The following CELF2 variants were observed in gnomAD, a reference collection of about 807,000 sequenced individuals.
CELF2 encodes CUGBP Elav-like family member 2.
A neutral mutation model predicts 62.6 loss-of-function variants in CELF2; 8 were observed. That is an observed-to-expected ratio of 0.13 (90% CI 0.07 to 0.23). CELF2 has a LOEUF of 0.23. Among genes scored for constraint, CELF2 ranks in the 10% least tolerant of loss-of-function variants. The pLI, the probability that CELF2 is intolerant of heterozygous loss-of-function variation, is 1.00. For synonymous variants in CELF2, 258 were observed against 250.0 expected (o/e 1.03, Z -0.30); for missense variants, 333 against 671.0 (o/e 0.50, Z 5.56).
At chr10:10,876,925 T>C (rs1355368985) in intron 1 of CELF2, among the ~76,000 whole-genome samples, 1 of 152,358 alleles carries the variant, frequency 6.6e-6, no homozygotes, top group Middle Eastern at 3.4e-3. Context: ...GTATGTAGGA[T>C]GGAGATTCAG....
the CELF2 span, among the ~76,000 whole-genome samples, chr10:10,726,153 C>T: frequency 6.6e-6 from 1 of 151,964 alleles, no homozygotes; most frequent in African/African-American, 2.4e-5. Context: ...CACCAACACA[C>T]CTTCAGTCGG....
the CELF2 span, among the ~76,000 whole-genome samples, chr10:10,511,666 T>C: frequency 6.6e-6 from 1 of 152,160 alleles, no homozygotes; most frequent in Non-Finnish European, 1.5e-5. Flanking sequence ...TAAATGTCAC[T>C]TCTACTATGA....
chr10:10,681,423 G>A, the CELF2 span, among the ~76,000 whole-genome samples: 1 of 152,184 alleles, frequency 6.6e-6, no homozygotes, highest in African/African-American at 2.4e-5. Context: ...GGGCCAGGTT[G>A]TAAATATTCT....
chr10:10,661,550 G>T, the CELF2 span, among the ~76,000 whole-genome samples: 1 of 152,188 alleles, frequency 6.6e-6, no homozygotes, highest in Non-Finnish European at 1.5e-5. Context: ...CCTAGGAGTG[G>T]AATTGCTGGC....
intron 2 of CELF2, among the ~76,000 whole-genome samples, chr10:11,194,396 G>T (rs1303593845): frequency 2.0e-5 from 3 of 152,116 alleles, no homozygotes; most frequent in African/African-American, 7.2e-5. Flanking sequence ...TTTTCATTTT[G>T]AAATGAAAAA....
chr10:11,030,596 A>T (rs1357976902), intron 1 of CELF2: 1 of 152,230 alleles, frequency 6.6e-6, no homozygotes, highest in Non-Finnish European at 1.5e-5. Context: ...CTCACCTCCA[A>T]AGCCTGAGGT....
intron 8 of CELF2, 138 bp downstream of exon 8, chr10:11,275,258 A>C: frequency 2.2e-6 from 2 of 904,472 alleles, no homozygotes; most frequent in Non-Finnish European, 3.5e-6. Flanking sequence ...CTTTGGTGTT[A>C]ACGTTGGAAC....
chr10:10,822,224 C>T (rs908979331), intron 1 of CELF2, among the ~76,000 whole-genome samples: 16 of 152,188 alleles, frequency 1.1e-4, no homozygotes, highest in Admixed American at 2.0e-4. Context: ...GGAAGGGGAC[C>T]GGCCTACAGG....
At chr10:10,870,988 A>G (rs1173649447) in intron 1 of CELF2, among the ~76,000 whole-genome samples, 25 of 151,984 alleles carry the variant, frequency 1.6e-4, no homozygotes, top group Non-Finnish European at 5.9e-5. Context: ...CCACCCCGCA[A>G]CTTGCAGAGA....
intron 3 of CELF2, among the ~76,000 whole-genome samples, chr10:11,240,170 T>A (rs960411406): frequency 1.6e-4 from 24 of 152,242 alleles, no homozygotes; most frequent in Non-Finnish European, 3.4e-4. Context: ...ATCATGGAAT[T>A]GGCATCTTCA....
chr10:10,873,947 A>C (rs1041154530), intron 1 of CELF2, among the ~76,000 whole-genome samples: 1 of 152,186 alleles, frequency 6.6e-6, no homozygotes, highest in African/African-American at 2.4e-5. Flanking sequence ...TTTGATTGGG[A>C]TGCTGCTAAC....
At chr10:10,927,352 A>AAAACAAC (rs1564832477) in intron 2 of CELF2, 2 of 88,938 alleles carry the variant, frequency 2.2e-5, no homozygotes, top group East Asian at 4.0e-4. Flanking sequence ...ACATTAAAAA[A>AAAACAAC]AAAAAAAAAA....
At chr10:10,545,860 T>C in the CELF2 span, among the ~76,000 whole-genome samples, 1 of 152,236 alleles carries the variant, frequency 6.6e-6, no homozygotes, top group Non-Finnish European at 1.5e-5. Flanking sequence ...ATGTGAGTTC[T>C]GGCAGAAGCA....
At chr10:10,878,100 C>T (rs192880754) in intron 1 of CELF2, among the ~76,000 whole-genome samples, 12 of 152,284 alleles carry the variant, frequency 7.9e-5, no homozygotes, top group Admixed American at 5.2e-4. Flanking sequence ...ATTGCTCGCC[C>T]GCCAGCAGGA....
the CELF2 span, among the ~76,000 whole-genome samples, chr10:10,641,887 C>A: frequency 2.6e-5 from 4 of 152,044 alleles, no homozygotes; most frequent in Admixed American, 2.0e-4. Context: ...TGCATTAATT[C>A]CCCCTCCTTT....
chr10:11,120,229 T>C (rs368794532), intron 1 of CELF2, among the ~76,000 whole-genome samples: 15 of 152,178 alleles, frequency 9.9e-5, no homozygotes, highest in African/African-American at 3.6e-4. Context: ...TATTTAGCTC[T>C]TAATTTACAC....
chr10:10,583,978 A>G, the CELF2 span, among the ~76,000 whole-genome samples: 4 of 152,166 alleles, frequency 2.6e-5, no homozygotes, highest in Admixed American at 6.6e-5. Context: ...TGAGTGGACT[A>G]TATAGCCTCA....
the CELF2 span, among the ~76,000 whole-genome samples, chr10:10,751,805 A>G: frequency 6.6e-6 from 1 of 152,348 alleles, no homozygotes; most frequent in African/African-American, 2.4e-5. Context: ...TGTGAAATAC[A>G]TCGTATTTCC....
At chr10:11,174,249 A>G (rs946849482) in intron 2 of CELF2, among the ~76,000 whole-genome samples, 1 of 152,210 alleles carries the variant, frequency 6.6e-6, no homozygotes, top group Non-Finnish European at 1.5e-5. Context: ...CCTGAATCAC[A>G]TAGACAAACA....
Sources: allele counts gnomAD v4.1 joint callset (sites outside exome capture counted in the v4.1 genomes callset), GRCh38; gene constraint gnomAD v4.1.1; transcripts MANE v1.5; gene names NCBI Gene and HGNC (gene_info 2026-07-23, HGNC 2026-07-21).